ST7: variants seen among roughly 807,000 people sequenced by gnomAD.
The protein encoded by ST7 is suppression of tumorigenicity 7, also known as suppressor of tumorigenicity 7 protein.
Under a neutral mutation model 78.7 loss-of-function variants are expected in ST7, and 28 were observed. The ratio of observed to expected loss-of-function variants is 0.36; its 90% CI spans 0.26 to 0.49. ST7 has a LOEUF of 0.49. Ranked by LOEUF, ST7 falls within the 20% of genes least tolerant of loss-of-function variation. ST7 has a pLI of 0.99. For missense variants in ST7, 418 were observed against 696.0 expected (o/e 0.60, Z 4.49); for synonymous variants, 247 against 249.6 (o/e 0.99, Z 0.10).
chr7:117,116,577 C>T (rs1334829023), intron 2 of ST7, among the ~76,000 whole-genome samples: 1 of 152,148 alleles, frequency 6.6e-6, no homozygotes, highest in Non-Finnish European at 1.5e-5. Context: ...GAGTTCTTCC[C>T]TTCTTTCTTT....
At chr7:117,138,374 C>A in intron 8 of ST7, 61 bp from the exon 9 acceptor site, 1 of 1,172,134 alleles carries the variant, frequency 8.5e-7, no homozygotes, top group Non-Finnish European at 1.2e-6. Flanking sequence ...AGGGGCAAGG[C>A]AAATGGGCCT....
chr7:116,959,322 C>T, intron 1 of ST7: 1 of 465,778 alleles, frequency 2.1e-6, no homozygotes, highest in Non-Finnish European at 4.4e-6. Flanking sequence ...TATGGCATGC[C>T]TGCAGTTACT....
In ST7 at chr7:117,101,769, C is replaced by A. The variant is rs1020420317; in HGVS notation, c.234+1925C>A. On this transcript the variant is annotated intron_variant, in intron 2 of 15. Transcript: ENST00000323984. ...GCAGCCAACTCCAGAAACCCCAAAACCAACTAAAGAAATCTATCCTCAAAA... is the reference window on the plus strand; with the variant it reads ...GCAGCCAACTCCAGAAACCCCAAAAACAACTAAAGAAATCTATCCTCAAAA... Among the ~76,000 whole-genome samples the A allele has an allele frequency of 1.3e-5, 2 of 152,144 alleles. 1 individual carries two copies. Among genetic ancestry groups the A allele is most frequent in the South Asian group, 4.1e-4 (2 of 4,826 alleles).
At chr7:117,080,470 T>G (rs1406324807) in intron 1 of ST7, among the ~76,000 whole-genome samples, 2 of 152,176 alleles carry the variant, frequency 1.3e-5, no homozygotes, top group African/African-American at 2.4e-5. Flanking sequence ...TCTTGTTGTA[T>G]ATTTAGTTTT....
At chr7:117,205,253 G>A (rs534306218) in intron 12 of ST7, among the ~76,000 whole-genome samples, 6 of 152,052 alleles carry the variant, frequency 3.9e-5, no homozygotes, top group African/African-American at 1.4e-4. Flanking sequence ...AATTGTTAGG[G>A]TACATTGATT....
At chr7:116,990,419 G>C (rs1372463332) in intron 1 of ST7, among the ~76,000 whole-genome samples, 1 of 151,982 alleles carries the variant, frequency 6.6e-6, no homozygotes. Context: ...CTTCCTCTAA[G>C]GGGTTAGTGT....
At chr7:116,977,960 A>G (rs991115067) in intron 1 of ST7, among the ~76,000 whole-genome samples, 4 of 152,176 alleles carry the variant, frequency 2.6e-5, no homozygotes, top group African/African-American at 9.7e-5. Flanking sequence ...ACAATTCATA[A>G]CCCCAGTAAC....
chr7:117,194,877 G>A (rs1014024781), intron 12 of ST7, among the ~76,000 whole-genome samples: 44 of 152,254 alleles, frequency 2.9e-4, no homozygotes, highest in African/African-American at 9.1e-4. Flanking sequence ...GTTAACCAGC[G>A]CTTATGTGCT....
chr7:117,056,859 G>A (rs1798089551), intron 1 of ST7, among the ~76,000 whole-genome samples: 1 of 151,700 alleles, frequency 6.6e-6, no homozygotes, highest in African/African-American at 2.4e-5. Flanking sequence ...TCCCTTTTTT[G>A]ATAATTGGCT....
intron 1 of ST7, among the ~76,000 whole-genome samples, chr7:116,973,923 T>C (rs934802437): frequency 6.6e-5 from 10 of 152,330 alleles, no homozygotes; most frequent in Non-Finnish European, 1.0e-4. Context: ...ATGTATTTGA[T>C]TTATCAAGGG....
At chr7:117,214,953 T>C (rs1304954368) in intron 13 of ST7, among the ~76,000 whole-genome samples, 6 of 123,238 alleles carry the variant, frequency 4.9e-5, no homozygotes, top group Admixed American at 3.4e-4. Flanking sequence ...TGTGTGTGTG[T>C]GTACAGTGTA....
chr7:116,972,118 G>A, intron 1 of ST7: 4 of 546,708 alleles, frequency 7.3e-6, no homozygotes, highest in South Asian at 5.7e-5. Context: ...GCCTCAGGCA[G>A]AGTCAGGGTC....
chr7:117,229,555 C>T (rs1235047117), intron 15 of ST7, among the ~76,000 whole-genome samples: 1 of 152,206 alleles, frequency 6.6e-6, no homozygotes, highest in Non-Finnish European at 1.5e-5. Context: ...TGACACTTCT[C>T]CCCCTTATCT....
chr7:117,108,944 A>C (rs1242860980), intron 2 of ST7, among the ~76,000 whole-genome samples: 1 of 152,118 alleles, frequency 6.6e-6, no homozygotes, highest in African/African-American at 2.4e-5. Context: ...TGCGTACATT[A>C]ATTTTGTATC....
intron 3 of ST7, among the ~76,000 whole-genome samples, chr7:117,120,554 T>A (rs1281862921): frequency 1.3e-5 from 2 of 152,192 alleles, no homozygotes; most frequent in African/African-American, 4.8e-5. Flanking sequence ...GAAGCCAGTT[T>A]TTATTTCTTG....
chr7:117,137,845 T>TA (rs1294353930), intron 8 of ST7, among the ~76,000 whole-genome samples: 3 of 152,294 alleles, frequency 2.0e-5, no homozygotes, highest in East Asian at 3.9e-4. Flanking sequence ...TAGTGATTGT[T>TA]GTTACAACTA....
intron 9 of ST7, among the ~76,000 whole-genome samples, chr7:117,152,177 C>CTATA (rs58892731): frequency 0.017 from 1,158 of 66,354 alleles, 77 homozygotes; most frequent in Non-Finnish European, 0.023. Context: ...TATATAAAAA[C>CTATA]TATATATATA....
intron 5 of ST7, among the ~76,000 whole-genome samples, chr7:117,131,166 A>T (rs1375679602): frequency 6.6e-6 from 1 of 151,856 alleles, no homozygotes; most frequent in Non-Finnish European, 1.5e-5. Context: ...ATTTATTCAA[A>T]GTAAATAGGT....
intron 12 of ST7, among the ~76,000 whole-genome samples, chr7:117,191,917 CT>C (rs1809820440): frequency 6.6e-6 from 1 of 151,874 alleles, no homozygotes; most frequent in African/African-American, 2.4e-5. Flanking sequence ...GAGTTAACTA[CT>C]TTATTTTGTT....
Sources: allele counts gnomAD v4.1 joint callset (sites outside exome capture counted in the v4.1 genomes callset), GRCh38; gene constraint gnomAD v4.1.1; transcripts MANE v1.5; gene names NCBI Gene and HGNC (gene_info 2026-07-23, HGNC 2026-07-21).